The following WWOX variants were observed in gnomAD, a reference collection of about 807,000 sequenced individuals.
The protein encoded by WWOX is WW domain-containing oxidoreductase.
Under a neutral mutation model 46.2 loss-of-function variants are expected in WWOX, and 69 were observed. The observed-to-expected ratio is 1.49, with a 90% CI of 1.23 to 1.82. The LOEUF is 1.82. WWOX is among the 40% of genes most tolerant of loss of function. The pLI, the probability that WWOX is intolerant of heterozygous loss-of-function variation, is 0.00. For missense variants in WWOX, 919 were observed against 542.6 expected (o/e 1.69, Z -6.89); for synonymous variants, 359 against 202.6 (o/e 1.77, Z -6.56).
At chr16:78,971,524 A>G (rs938409807) in intron 8 of WWOX, among the ~76,000 whole-genome samples, 1 of 151,650 alleles carries the variant, frequency 6.6e-6, no homozygotes, top group Non-Finnish European at 1.5e-5. Flanking sequence ...ATCTACAGCC[A>G]TGGAAAGAGA....
intron 8 of WWOX, among the ~76,000 whole-genome samples, chr16:78,510,506 C>G (rs2085337266): frequency 1.3e-5 from 2 of 152,118 alleles, no homozygotes; most frequent in South Asian, 4.2e-4. Flanking sequence ...AGCCACCGTG[C>G]CGGCCACTTT....
chr16:79,207,149 C>A (rs554119842), intron 8 of WWOX, among the ~76,000 whole-genome samples: 1 of 152,304 alleles, frequency 6.6e-6, no homozygotes, highest in Non-Finnish European at 1.5e-5. Flanking sequence ...GGGCTCACCC[C>A]CTCATCTCCA....
intron 8 of WWOX, among the ~76,000 whole-genome samples, chr16:78,438,459 C>T (rs1362145906): frequency 2.0e-5 from 3 of 149,748 alleles, no homozygotes; most frequent in Admixed American, 1.3e-4. Context: ...CCAACCCCAC[C>T]TTTTTTTTTT....
chr16:78,688,868 A>G (rs2047922466), intron 8 of WWOX, among the ~76,000 whole-genome samples: 1 of 152,096 alleles, frequency 6.6e-6, no homozygotes, highest in African/African-American at 2.4e-5. Context: ...TGATGTTTTC[A>G]TGGTAGGGAG....
At chr16:79,049,028 G>C (rs947062571) in intron 8 of WWOX, among the ~76,000 whole-genome samples, 8 of 152,160 alleles carry the variant, frequency 5.3e-5, no homozygotes, top group Non-Finnish European at 1.2e-4. Flanking sequence ...CACTGTGCTA[G>C]ATACCCGAGA....
intron 8 of WWOX, among the ~76,000 whole-genome samples, chr16:79,135,973 C>G (rs1245008637): frequency 1.3e-5 from 2 of 152,002 alleles, no homozygotes; most frequent in Non-Finnish European, 2.9e-5. Flanking sequence ...GAATGGCTGA[C>G]TATTGTAAAT....
chr16:78,910,323 C>T lies in WWOX; in HGVS notation c.1057-301285C>T, dbSNP rs1018329847. ...AAATGGATCCTCCATCTTCCAGCAT[C>T]TCTGATTGAGACTAACAAGGGCCCT... On this transcript the variant is annotated intron_variant, in intron 8 of 8. Transcript: ENST00000566780. 6.6e-5 allele frequency among the ~76,000 whole-genome samples: 10 copies of T among 150,796 alleles called. No homozygotes were observed. In the East Asian group the frequency reaches 1.2e-3, roughly 17 times the overall value.
chr16:78,411,778 C>T (rs2082686691), intron 6 of WWOX, among the ~76,000 whole-genome samples: 1 of 152,150 alleles, frequency 6.6e-6, no homozygotes, highest in Non-Finnish European at 1.5e-5. Flanking sequence ...AGGAACAGAG[C>T]TAGAAACATG....
intron 8 of WWOX, among the ~76,000 whole-genome samples, chr16:78,451,325 A>G (rs766660856): frequency 5.3e-5 from 8 of 152,230 alleles, no homozygotes; most frequent in Non-Finnish European, 8.8e-5. Context: ...ATTCTGCAGA[A>G]CTAGAAGATA....
In WWOX at chr16:78,619,318, C is replaced by T. The variant is rs1358166556; in HGVS notation, c.1056+186566C>T. Among the ~76,000 whole-genome samples the T allele has an allele frequency of 1.2e-4, 15 of 128,886 alleles. 1 individual carries two copies. The highest frequency in any genetic ancestry group is 4.6e-4 in the East Asian group (2 of 4,346). 84.6% of individuals were successfully genotyped at this position (128,886 alleles called of 152,430 possible). ...GTCGGAGGTTGCAGTAAGCTGAGAT[C>T]GCCACTGCACTCCAGCCTGGGCAAC... is the stretch of plus-strand genomic sequence containing the variant. On this transcript the variant is annotated intron_variant, in intron 8 of 8. Coordinates refer to ENST00000566780, the MANE Select transcript of WWOX (RefSeq NM_016373.4).
intron 8 of WWOX, among the ~76,000 whole-genome samples, chr16:79,056,527 G>A (rs1192405764): frequency 6.6e-6 from 1 of 152,132 alleles, no homozygotes; most frequent in Non-Finnish European, 1.5e-5. Context: ...TCAAGCTTTG[G>A]CACTGCCAAC....
chr16:78,884,251 T>TG (rs1250168770), intron 8 of WWOX, among the ~76,000 whole-genome samples: 1 of 122,516 alleles, frequency 8.2e-6, no homozygotes, highest in Non-Finnish European at 1.6e-5. Context: ...CCAGCTTGGG[T>TG]GACAGAGTGA....
intron 8 of WWOX, among the ~76,000 whole-genome samples, chr16:79,076,865 C>T (rs370154640): frequency 4.9e-4 from 74 of 152,302 alleles, no homozygotes; most frequent in African/African-American, 1.6e-3. Flanking sequence ...ATGTATCAGA[C>T]GCTTGTCTTA....
At chr16:78,401,791 C>G (rs932551789) in intron 6 of WWOX, among the ~76,000 whole-genome samples, 11 of 152,088 alleles carry the variant, frequency 7.2e-5, no homozygotes, top group African/African-American at 2.7e-4. Context: ...CCTCTGCCTC[C>G]TGGGTTCAAG....
At chr16:78,349,229 T>C (rs2081145867) in intron 5 of WWOX, among the ~76,000 whole-genome samples, 1 of 119,850 alleles carries the variant, frequency 8.3e-6, no homozygotes, top group South Asian at 2.5e-4. Flanking sequence ...TGTCCTCTTC[T>C]TTGAAGGACA....
At chr16:78,106,583 ATTTTGTAT>A (rs1366076674) in intron 1 of WWOX, among the ~76,000 whole-genome samples, 3 of 151,682 alleles carry the variant, frequency 2.0e-5, no homozygotes, top group African/African-American at 7.3e-5. Flanking sequence ...CGCCAGGCTA[ATTTTGTAT>A]TTTTAGTAGA....
At chr16:78,560,678 ATAATGT>A (rs2044414491) in intron 8 of WWOX, among the ~76,000 whole-genome samples, 1 of 152,126 alleles carries the variant, frequency 6.6e-6, no homozygotes. Context: ...TACAATAATA[ATAATGT>A]TAGTGATACA....
chr16:79,196,856 G>C (rs2051250837), intron 8 of WWOX, among the ~76,000 whole-genome samples: 1 of 152,138 alleles, frequency 6.6e-6, no homozygotes, highest in Non-Finnish European at 1.5e-5. Flanking sequence ...TGAAGTCTAA[G>C]GTCTGGCAGA....
chr16:78,314,703 T>G (rs1458928268), intron 5 of WWOX, among the ~76,000 whole-genome samples: 4 of 64,928 alleles, frequency 6.2e-5, no homozygotes, highest in Non-Finnish European at 8.4e-5. Flanking sequence ...TTTTTTTTGT[T>G]TTTTTTTTTT....
Sources: gnomAD v4.1 joint callset for allele counts (sites outside exome capture counted in the v4.1 genomes callset) on GRCh38, gnomAD v4.1.1 for gene constraint, MANE v1.5 for transcripts, NCBI Gene and HGNC (gene_info 2026-07-23, HGNC 2026-07-21) for gene names.